PRKAR1A: variants seen among roughly 807,000 people sequenced by gnomAD.
PRKAR1A encodes cAMP-dependent protein kinase type I-alpha regulatory subunit.
PRKAR1A carries 3 observed loss-of-function variants against 52.0 expected under a neutral mutation model. The observed-to-expected ratio is 0.06, with a 90% CI of 0.03 to 0.15. The LOEUF (loss-of-function observed/expected upper bound fraction) is 0.15, where lower values mean the gene tolerates loss of function less well. PRKAR1A is among the 10% of genes least tolerant of loss of function. The pLI, the probability that PRKAR1A is intolerant of heterozygous loss-of-function variation, is 1.00. For synonymous variants in PRKAR1A, 188 were observed against 168.4 expected (o/e 1.12, Z -0.90); for missense variants, 240 against 477.4 (o/e 0.50, Z 4.63).
At chr17:68,424,377 G>C in the PRKAR1A span, 7 of 521,368 alleles carry the variant, frequency 1.3e-5, no homozygotes, top group Non-Finnish European at 2.4e-5. Context: ...TGTTTTCTAA[G>C]CCAAATGTGC....
intron 11 of PRKAR1A, chr17:68,540,698 C>T (rs2086246895): frequency 9.3e-6 from 9 of 969,386 alleles, no homozygotes; most frequent in African/African-American, 1.6e-5. Flanking sequence ...ACCTTCTGTC[C>T]TCTGGGACCT....
At chr17:68,515,653 T>C in intron 2 of PRKAR1A, 77 bp downstream of exon 2, 5 of 1,490,156 alleles carry the variant, frequency 3.4e-6, no homozygotes, top group Non-Finnish European at 2.8e-6. Flanking sequence ...TACTAATTTG[T>C]ATTTTTTGGA....
chr17:68,463,321 T>C, the PRKAR1A span, among the ~76,000 whole-genome samples: 72 of 152,318 alleles, frequency 4.7e-4, no homozygotes, highest in Middle Eastern at 3.4e-3. Context: ...TTACTGTCTA[T>C]AAATGGAAAA....
chr17:68,525,437 A>G (rs982555664), intron 6 of PRKAR1A, among the ~76,000 whole-genome samples: 3 of 152,208 alleles, frequency 2.0e-5, no homozygotes. Context: ...TGCAAGTAAA[A>G]TGTTTAGCAT....
At chr17:68,482,267 G>A in the PRKAR1A span, among the ~76,000 whole-genome samples, 1 of 152,216 alleles carries the variant, frequency 6.6e-6, no homozygotes, top group African/African-American at 2.4e-5. Flanking sequence ...GCCTGGCATA[G>A]TGGTGCATGT....
the PRKAR1A span, among the ~76,000 whole-genome samples, chr17:68,488,476 G>A: frequency 3.3e-5 from 5 of 151,858 alleles, no homozygotes; most frequent in Non-Finnish European, 5.9e-5. Flanking sequence ...GCCTGTCATC[G>A]CAGCACTTTG....
chr17:68,426,254 G>GCCCCCCCCCCCCC, the PRKAR1A span: 4 of 816,900 alleles, frequency 4.9e-6, no homozygotes, highest in East Asian at 3.5e-5. Context: ...GGGAGCGGGG[G>GCCCCCCCCCCCCC]CTCAAATAAA....
intron 6 of PRKAR1A, 24 bp from the exon 7 acceptor site, chr17:68,525,728 CTT>C (rs1568698250): frequency 6.2e-7 from 1 of 1,612,506 alleles, no homozygotes; most frequent in Admixed American, 1.7e-5. Context: ...AGAAAATAAA[CTT>C]TTTTGATGTC....
chr17:68,446,207 G>T, the PRKAR1A span, among the ~76,000 whole-genome samples: 8 of 151,626 alleles, frequency 5.3e-5, no homozygotes, highest in South Asian at 2.1e-4. Context: ...TTCAGACAGG[G>T]TCTCGTTCTG....
At chr17:68,513,043 G>C (rs1193774667) in intron 1 of PRKAR1A, 1 of 152,250 alleles carries the variant, frequency 6.6e-6, no homozygotes, top group South Asian at 2.1e-4. Context: ...CTTCATAGCG[G>C]AGTGATCTTT....
At chr17:68,420,478 T>C in the PRKAR1A span, 1 of 1,603,190 alleles carries the variant, frequency 6.2e-7, no homozygotes, top group South Asian at 1.1e-5. Flanking sequence ...CCAATTTTTA[T>C]TCCACGAGGA....
chr17:68,543,745 C>T, intron 11 of PRKAR1A: 1 of 1,597,532 alleles, frequency 6.3e-7, no homozygotes, highest in Non-Finnish European at 8.6e-7. Context: ...AGGAATCACG[C>T]CCTGGACTCA....
chr17:68,516,053 C>T (rs559779695), intron 2 of PRKAR1A, among the ~76,000 whole-genome samples: 35 of 152,120 alleles, frequency 2.3e-4, no homozygotes, highest in East Asian at 9.7e-4. Context: ...CAATTAGATT[C>T]GGTCTATTTT....
chr17:68,537,742 C>G (rs1209016909), downstream of PRKAR1A: 1 of 1,609,070 alleles, frequency 6.2e-7, no homozygotes, highest in Non-Finnish European at 8.5e-7. The surrounding 1 kb of genome is among the most constrained non-coding windows in gnomAD (Gnocchi z 4.2). Flanking sequence ...CTTTTTTATC[C>G]TGAAAAGACA....
At chr17:68,466,083 C>T in the PRKAR1A span, among the ~76,000 whole-genome samples, 1 of 152,102 alleles carries the variant, frequency 6.6e-6, no homozygotes, top group East Asian at 1.9e-4. Flanking sequence ...CTTCTGCGTG[C>T]AAATGGGCCT....
chr17:68,527,330 G>C (rs1415123225), intron 7 of PRKAR1A, among the ~76,000 whole-genome samples: 1 of 152,112 alleles, frequency 6.6e-6, no homozygotes. Flanking sequence ...AACTAATGGA[G>C]GAATCTGCAT....
the PRKAR1A span, chr17:68,440,671 T>C: frequency 2.0e-5 from 3 of 152,212 alleles, no homozygotes; most frequent in Non-Finnish European, 4.4e-5. Context: ...ATAATTCCAC[T>C]GTAATTGTTT....
At chr17:68,447,881 T>C in the PRKAR1A span, among the ~76,000 whole-genome samples, 4 of 150,116 alleles carry the variant, frequency 2.7e-5, no homozygotes, top group African/African-American at 9.8e-5. Context: ...TAGTCCCAGC[T>C]ACTTGGGAGG....
rs1438700249 is a variant in PRKAR1A at position 68,532,630 on chromosome 17, A to G, written c.*2181A>G. 2.0e-5 allele frequency: 21 copies of G among 1,066,120 alleles called. No individual in the cohort carries two copies. The highest frequency in any genetic ancestry group is 5.0e-5 in the East Asian group (1 of 20,108). The allele number at this position is 1,066,120 out of a possible 1,614,324, so 66.0% of individuals were successfully genotyped here. A position where few individuals can be genotyped will look rare whatever the true frequency, so the allele number is the denominator to read the frequency against. The stretch of plus-strand genomic sequence containing the variant: ...TGAGATTTACTGCTCTAGAAAGTAT[A>G]GATGGCCAAAGGACCGTTTTGTATT... On this transcript the variant is annotated 3_prime_UTR_variant, in exon 11 of 11. Transcript: ENST00000589228.
Sources: gnomAD v4.1 joint callset for allele counts (sites outside exome capture counted in the v4.1 genomes callset) on GRCh38, gnomAD v4.1.1 for gene constraint, Gnocchi (gnomAD v3.1) non-coding constraint, MANE v1.5 for transcripts, NCBI Gene and HGNC (gene_info 2026-07-23, HGNC 2026-07-21) for gene names.